MGAT4C: variants seen among roughly 807,000 people sequenced by gnomAD.
The protein encoded by MGAT4C is MGAT4 family member C.
In MGAT4C, 19 loss-of-function variants were observed where a neutral mutation model predicts 40.1. The observed-to-expected ratio is 0.47, with a 90% CI of 0.33 to 0.70. MGAT4C has a LOEUF of 0.70. Ranked by LOEUF, MGAT4C falls within the 30% of genes least tolerant of loss-of-function variation. MGAT4C has a pLI of 0.02. For missense variants in MGAT4C, 491 were observed against 563.2 expected, an observed-to-expected ratio of 0.87 and a Z score of 1.30; for synonymous variants, 181 against 187.1, an observed-to-expected ratio of 0.97 and a Z score of 0.27.
At chr12:86,738,343 A>G (rs1301373162) in intron 1 of MGAT4C, among the ~76,000 whole-genome samples, 1 of 151,352 alleles carries the variant, frequency 6.6e-6, no homozygotes, top group Non-Finnish European at 1.5e-5. Flanking sequence ...TAATTCTTAG[A>G]CTTAACATGT....
chr12:86,304,422 G>A (rs957038415), intron 4 of MGAT4C, among the ~76,000 whole-genome samples: 1 of 150,376 alleles, frequency 6.6e-6, no homozygotes, highest in African/African-American at 2.5e-5. Flanking sequence ...ATTAGATTAA[G>A]AGAATAAGAA....
chr12:86,166,919 CTT>C (rs1886256538), intron 1 of MGAT4C, among the ~76,000 whole-genome samples: 1 of 152,080 alleles, frequency 6.6e-6, no homozygotes, highest in African/African-American at 2.4e-5. Flanking sequence ...AAATATTAAA[CTT>C]ATATTTGGCA....
chr12:86,315,173 C>G (rs1033167343), intron 4 of MGAT4C, among the ~76,000 whole-genome samples: 3 of 151,812 alleles, frequency 2.0e-5, no homozygotes, highest in African/African-American at 7.3e-5. Context: ...ACACATAGAC[C>G]AACGAAACAG....
At chr12:86,659,078 G>T (rs1265081228) in intron 2 of MGAT4C, among the ~76,000 whole-genome samples, 1 of 151,982 alleles carries the variant, frequency 6.6e-6, no homozygotes, top group Non-Finnish European at 1.5e-5. Context: ...GGGTTTGATT[G>T]TTATAGTATA....
At chr12:86,076,256 C>A (rs1021858932) in intron 1 of MGAT4C, among the ~76,000 whole-genome samples, 3 of 152,330 alleles carry the variant, frequency 2.0e-5, no homozygotes, top group Non-Finnish European at 2.9e-5. Context: ...CAGTTCCCAA[C>A]AAGTTCCTCA....
At chr12:86,712,647 T>C (rs1950577837) in intron 2 of MGAT4C, among the ~76,000 whole-genome samples, 1 of 152,140 alleles carries the variant, frequency 6.6e-6, no homozygotes, top group South Asian at 2.1e-4. Context: ...ACTTGAGTTT[T>C]TAAAAATATG....
At chr12:86,379,382 A>G (rs991164629) in intron 3 of MGAT4C, among the ~76,000 whole-genome samples, 3 of 152,294 alleles carry the variant, frequency 2.0e-5, no homozygotes, top group African/African-American at 2.4e-5. Flanking sequence ...GGCATTTTAT[A>G]TAATAGAGCC....
At chr12:86,111,166 T>G (rs367645408) in intron 1 of MGAT4C, among the ~76,000 whole-genome samples, 2 of 151,820 alleles carry the variant, frequency 1.3e-5, no homozygotes, top group Admixed American at 6.6e-5. Flanking sequence ...AGCAATGGTG[T>G]TGTCACATCG....
rs114241623 is a variant in MGAT4C, at chr12:86,233,842, T to C, written c.-57+22397A>G. ...TACATTCATTTTACAGCATTTCTTC[T>C]TATCAAAATCAGTTAAAGACAGCTC... On this transcript the variant is annotated intron_variant, in intron 1 of 4. Transcript: ENST00000611864. Among the ~76,000 whole-genome samples, 556 of 152,266 alleles carry C rather than the reference T, an allele frequency of 3.7e-3. 4 individuals are homozygous for C. Among genetic ancestry groups the C allele is most frequent in the African/African-American group, 0.013 (531 of 41,552 alleles).
intron 1 of MGAT4C, among the ~76,000 whole-genome samples, chr12:86,161,638 AAAAC>A (rs1885600733): frequency 6.6e-6 from 1 of 152,174 alleles, no homozygotes; most frequent in Non-Finnish European, 1.5e-5. Context: ...AATTGCAATA[AAAAC>A]AAATAGACAA....
chr12:86,294,067 C>T (rs1953598593), intron 4 of MGAT4C, among the ~76,000 whole-genome samples: 4 of 151,816 alleles, frequency 2.6e-5, no homozygotes, highest in African/African-American at 9.7e-5. Context: ...AAGATCATGA[C>T]AAATATTACA....
intron 3 of MGAT4C, among the ~76,000 whole-genome samples, chr12:86,387,585 T>C (rs972886492): frequency 2.0e-5 from 3 of 152,170 alleles, no homozygotes; most frequent in Non-Finnish European, 4.4e-5. Context: ...AGTAAAAGTG[T>C]ATTTAAACAA....
At chr12:86,045,125 G>A (rs1257689075) in intron 2 of MGAT4C, among the ~76,000 whole-genome samples, 2 of 152,062 alleles carry the variant, frequency 1.3e-5, no homozygotes, top group Non-Finnish European at 2.9e-5. Flanking sequence ...CTGAAGATCT[G>A]CTCATAGTGC....
In MGAT4C at chr12:86,783,441, C is replaced by T. The variant is rs1951877558; in HGVS notation, c.-262+55225G>A. Among the ~76,000 whole-genome samples, 5 of 152,144 alleles carry T rather than the reference C, an allele frequency of 3.3e-5. No individual in the cohort carries two copies. The South Asian group carries it at 1.0e-3, about 32-fold the overall frequency. On this transcript the variant is annotated intron_variant, in intron 1 of 7. Coordinates refer to the MGAT4C transcript ENST00000548651. Reference sequence around the variant, plus strand: ...CAGGAGGACAGAAAAATATTATGAACTCATAGAGCTTCTTATCCATCTTCC... The same window carrying T: ...CAGGAGGACAGAAAAATATTATGAATTCATAGAGCTTCTTATCCATCTTCC...
chr12:86,537,654 T>A (rs1959097977), intron 2 of MGAT4C, among the ~76,000 whole-genome samples: 1 of 152,216 alleles, frequency 6.6e-6, no homozygotes, highest in African/African-American at 2.4e-5. Context: ...ACAGTAGAAC[T>A]TTAATTAATA....
In MGAT4C at chr12:85,978,416, A is replaced by T. The variant is rs1884167782; in HGVS notation, c.*873T>A. The T allele has an allele frequency of 2.0e-5, 3 of 151,988 alleles. No homozygotes were observed. The highest frequency in any genetic ancestry group is 7.2e-5 in the African/African-American group (3 of 41,410). 9.4% of individuals were successfully genotyped at this position (151,988 alleles called of 1,614,324 possible). On this transcript the variant is annotated 3_prime_UTR_variant, in exon 5 of 5. Transcript: ENST00000611864. Reference sequence around the variant, plus strand: ...GTATATGATAAATCACAATAATTTCAATCACATGGATTTTAATACAAAATG... The same window carrying T: ...GTATATGATAAATCACAATAATTTCTATCACATGGATTTTAATACAAAATG...
chr12:86,110,669 T>C (rs1200544373), intron 1 of MGAT4C, among the ~76,000 whole-genome samples: 1 of 151,600 alleles, frequency 6.6e-6, no homozygotes, highest in African/African-American at 2.4e-5. Context: ...CTAAAAAGTA[T>C]GTATTTGTGT....
At chr12:86,455,091 G>T (rs1196697816) in intron 2 of MGAT4C, among the ~76,000 whole-genome samples, 6 of 151,942 alleles carry the variant, frequency 3.9e-5, no homozygotes, top group Non-Finnish European at 8.8e-5. Context: ...ATTTAATTTA[G>T]GATGCCCTTG....
intron 3 of MGAT4C, among the ~76,000 whole-genome samples, chr12:86,351,404 C>A (rs965961885): frequency 2.0e-5 from 3 of 151,826 alleles, no homozygotes; most frequent in African/African-American, 7.2e-5. Context: ...TAATCAAGAA[C>A]AATGAAACTT....
Sources: gnomAD v4.1 joint callset for allele counts (sites outside exome capture counted in the v4.1 genomes callset) on GRCh38, gnomAD v4.1.1 for gene constraint, MANE v1.5 for transcripts, NCBI Gene and HGNC (gene_info 2026-07-23, HGNC 2026-07-21) for gene names.